Variants in PKD1 observed in about 807,000 individuals in gnomAD.
PKD1 encodes the protein polycystin 1, transient receptor potential channel interacting, also known as polycystin-1.
In PKD1, 81 loss-of-function variants were observed where a neutral mutation model predicts 361.7. The observed-to-expected ratio is 0.22, with a 90% confidence interval of 0.19 to 0.27. The LOEUF (loss-of-function observed/expected upper bound fraction) is 0.27. Ranked by LOEUF, PKD1 falls within the 10% of genes least tolerant of loss-of-function variation. PKD1 has a pLI of 1.00. For missense variants in PKD1, 6,399 were observed against 6,118.3 expected (o/e 1.05, Z -1.53); for synonymous variants, 3,615 against 2,818.3 (o/e 1.28, Z -8.95).
chr16:2,112,346 C>T lies in PKD1; in HGVS notation c.3289G>A (p.Ala1097Thr). 6.3e-7 allele frequency: 1 copy of T among 1,587,766 alleles called. No homozygotes were observed. Among genetic ancestry groups the T allele is most frequent in the Non-Finnish European group, 8.5e-7 (1 of 1,174,706 alleles). ...TCACCCCCTCATCCCTCACCTGGGG[C>T]AGCGTAGGTGTGCATGACATTGTGC... The part of the protein sequence containing the change: ...VEHNVMHTYA[A>T]PGEYLLTVLA... Residue 1097 changes from alanine to threonine, a missense_variant, in exon 14 of 46, where the codon GCC becomes ACC. Physicochemically the swap from Ala to Thr is moderately conservative, Grantham distance 58 (BLOSUM62 0). Transcript: ENST00000262304.
At chr16:2,130,586 G>A (rs1428710323) in intron 1 of PKD1, among the ~76,000 whole-genome samples, 3 of 152,228 alleles carry the variant, frequency 2.0e-5, no homozygotes, top group Non-Finnish European at 4.4e-5. Flanking sequence ...TCGCTCTCAG[G>A]ATCCAGGGAC....
intron 6 of PKD1, 116 bp downstream of exon 6, chr16:2,117,373 A>C (rs2092655685): frequency 1.3e-6 from 1 of 762,748 alleles, no homozygotes; most frequent in Admixed American, 2.8e-5. Context: ...CCACCTGCTC[A>C]CCAGGGCCGG....
chr16:2,109,641 G>A lies in PKD1; in HGVS notation c.5526C>T (p.Pro1842=), dbSNP rs139317950. 1.5e-4 allele frequency: 244 copies of A among 1,598,262 alleles called. No individual in the cohort carries two copies. The African/African-American group carries it at 1.7e-3, about 11-fold the overall frequency. The change falls in exon 15 of 46, where the codon CCC becomes CCT. Residue 1842 remains proline (P), a synonymous_variant. Transcript: ENST00000262304. ...GTNVSWCWAV[P]GGSSKRGPHV... ...GAGGGCCACGCTTGCTGCTGCCGCC[G>A]GGCACAGCCCAGCACCAGCTCACAT...
Position 2,093,035 on chromosome 16 carries a change from G to A in PKD1, c.11075C>T (p.Ala3692Val). The change falls in exon 38 of 46, where the codon GCC becomes GTC. Residue 3692 changes from alanine to valine, a missense_variant. Transcript: ENST00000262304. ...LVTLLASYGD[A>V]SCHGHAYRLQ... ...ACGGTAGGCGTGCCCATGGCATGAGGCATCCCCATAGCTGGCCAGCAGGGT... is the reference window on the plus strand; with the variant it reads ...ACGGTAGGCGTGCCCATGGCATGAGACATCCCCATAGCTGGCCAGCAGGGT... 1 of 1,612,900 alleles carries A rather than the reference G, an allele frequency of 6.2e-7. No homozygotes were observed. The highest frequency in any genetic ancestry group is 1.1e-5 in the South Asian group (1 of 91,088).
chr16:2,135,797 G>A lies in PKD1; in HGVS notation c.-108C>T, dbSNP rs982135305. The A allele has an allele frequency of 6.7e-4, 440 of 657,210 alleles. No homozygotes were observed. The African/African-American group carries it at 8.4e-3, about 12-fold the overall frequency. The allele number at this position is 657,210 out of a possible 1,614,324, so 40.7% of individuals were successfully genotyped here. ...GGCATGGCGGGCGCGGGGCTGGATG[G>A]GGCTGCGGCCGCGACCTGCTGCTGA... On this transcript the variant is annotated 5_prime_UTR_variant, in exon 1 of 46. Coordinates refer to ENST00000262304, the MANE Select transcript of PKD1 (RefSeq NM_001009944.3).
rs770980508 is a variant in PKD1 at position 2,100,149 on chromosome 16, A to G, written c.9712+17T>C. On this transcript the variant is annotated intron_variant, in intron 28 of 45. Transcript: ENST00000262304. The surrounding 1 kb of genome is among the most constrained non-coding windows in gnomAD (Gnocchi z 4.4). ...GCCCAACCTCCCACGGAGTGGGAAC[A>G]TGGAACGAGGCCTTACTCGCGGCCA... The G allele has an allele frequency of 6.9e-6, 11 of 1,603,568 alleles. No individual in the cohort carries two copies. Among genetic ancestry groups the G allele is most frequent in the South Asian group, 6.6e-5 (6 of 90,860 alleles).
At chr16:2,116,261 G>A (rs568357235) in intron 8 of PKD1, 143 bp from the exon 9 acceptor site, 11 of 876,034 alleles carry the variant, frequency 1.3e-5, no homozygotes, top group East Asian at 7.9e-5. Context: ...TGTCGCTCGA[G>A]AGGAAGACTC....
Position 2,108,292 on chromosome 16 carries a change from G to A in PKD1, c.6875C>T (p.Thr2292Met), listed in dbSNP as rs368575965. The change falls in exon 15 of 46, where the codon ACG becomes ATG. Residue 2292 changes from threonine (T) to methionine (M), a missense_variant. Coordinates refer to ENST00000262304, the MANE Select transcript of PKD1 (RefSeq NM_001009944.3). ...ACAGGCCCAGTGGAAACTGAGCGGC[G>A]TCTGGTCGCCGTCCTCCAGGTTGGG... ...YDPNLEDGDQTPLSFHWACVA... is the reference protein window; with the variant it reads ...YDPNLEDGDQMPLSFHWACVA... 3.9e-5 allele frequency: 63 copies of A among 1,601,764 alleles called. 1 individual carries two copies. Among genetic ancestry groups the A allele is most frequent in the South Asian group, 3.9e-4 (35 of 90,502 alleles).
rs759767453 is a variant in PKD1, at chr16:2,108,523, C to T, written c.6644G>A (p.Arg2215Gln). The change falls in exon 15 of 46, where the codon CGG (arginine) becomes CAG (glutamine). Residue 2215 changes from arginine to glutamine, a missense_variant. Arg to Gln is a conservative substitution (Grantham distance 43). Coordinates refer to ENST00000262304, the MANE Select transcript of PKD1 (RefSeq NM_001009944.3). ...ALPGVDVSRPRLVLPRLALPV... is the reference protein window; with the variant it reads ...ALPGVDVSRPQLVLPRLALPV... ...CAGCGCCAGCCGCGGCAGCACCAGCCGAGGCCGGCTCACGTCCACGCCGGG... is the reference window on the plus strand; with the variant it reads ...CAGCGCCAGCCGCGGCAGCACCAGCTGAGGCCGGCTCACGTCCACGCCGGG... The T allele has an allele frequency of 1.2e-5, 19 of 1,609,046 alleles. No individual in the cohort carries two copies. The highest frequency in any genetic ancestry group is 2.2e-4 in the Middle Eastern group (1 of 4,450).
intron 45 of PKD1, 31 bp downstream of exon 45, chr16:2,090,254 G>A (rs200531215): frequency 3.4e-5 from 54 of 1,608,730 alleles, no homozygotes; most frequent in Non-Finnish European, 4.2e-5. Flanking sequence ...CCCAGGGCGT[G>A]TCCCTCTCCC....
At position 2,109,117 on chromosome 16, in the gene PKD1, G is replaced by C; in HGVS notation, c.6050C>G (p.Ser2017Trp). 1 of 1,602,824 alleles carries C rather than the reference G, an allele frequency of 6.2e-7. No individual in the cohort carries two copies. Among genetic ancestry groups the C allele is most frequent in the Non-Finnish European group, 8.5e-7 (1 of 1,174,202 alleles). ...GTCGCGGCCCGACAGGATGACCAGCGAGTCGCCCTGGACCTTCTGCAGCGA... is the reference window on the plus strand; with the variant it reads ...GTCGCGGCCCGACAGGATGACCAGCCAGTCGCCCTGGACCTTCTGCAGCGA... ...YFSLQKVQGDSLVILSGRDVT... is the reference protein window; with the variant it reads ...YFSLQKVQGDWLVILSGRDVT... Residue 2017 changes from serine to tryptophan, a missense_variant, in exon 15 of 46, where the codon TCG becomes TGG. By Grantham distance (177) the Ser-to-Trp change is radical. Transcript: ENST00000262304.
At position 2,116,821 on chromosome 16, in the gene PKD1, C is replaced by T. The variant is rs1159998444; in HGVS notation, c.1606+12G>A. The stretch of plus-strand genomic sequence containing the variant: ...GCCAGCGTCTCAGGCCCCTGCCTGG[C>T]CCCCCGCACACCTCCGGGCTGCAGC... On this transcript the variant is annotated intron_variant, in intron 7 of 45. Coordinates refer to ENST00000262304, the MANE Select transcript of PKD1 (RefSeq NM_001009944.3). The T allele has an allele frequency of 4.7e-6, 7 of 1,488,544 alleles. No individual in the cohort carries two copies. The Admixed American group carries it at 5.9e-5, about 13-fold the overall frequency. 92.2% of individuals were successfully genotyped at this position (1,488,544 alleles called of 1,614,324 possible).
At chr16:2,126,356 G>C (rs141066706) in intron 1 of PKD1, among the ~76,000 whole-genome samples, 1 of 152,400 alleles carries the variant, frequency 6.6e-6, no homozygotes, top group Non-Finnish European at 1.5e-5. Flanking sequence ...CCTGTCTTCA[G>C]ATCATGGCGC....
chr16:2,111,541 A>G lies in PKD1; in HGVS notation c.3626T>C (p.Phe1209Ser). ...GAAAQADVRV[F>S]EELRGLSVDM... is the part of the protein sequence containing the mutation. ...CACGCTGAGTCCGCGGAGCTCCTCA[A>G]AGACGCGCACATCCGCCTGGGCCGC... The change falls in exon 15 of 46, where the codon TTT (phenylalanine) becomes TCT (serine). Residue 1209 changes from phenylalanine to serine, a missense_variant. Physicochemically the swap from Phe to Ser is radical, Grantham distance 155. Transcript: ENST00000262304. 6.2e-7 allele frequency: 1 copy of G among 1,600,918 alleles called. No homozygotes were observed. Among genetic ancestry groups the G allele is most frequent in the Non-Finnish European group, 8.5e-7 (1 of 1,174,782 alleles).
chr16:2,116,306 A>G, intron 8 of PKD1, 188 bp from the exon 9 acceptor site: 1 of 698,736 alleles, frequency 1.4e-6, no homozygotes, highest in Non-Finnish European at 2.5e-6. Context: ...AGGACCCCTG[A>G]CCTGCCTTTC....
intron 1 of PKD1, among the ~76,000 whole-genome samples, chr16:2,121,631 G>A (rs1240835741): frequency 1.3e-5 from 2 of 151,844 alleles, no homozygotes; most frequent in African/African-American, 4.8e-5. Flanking sequence ...TAGACAGAGA[G>A]CTGGGGCAAA....
rs1190970440 is a variant in PKD1 at position 2,117,590 on chromosome 16, G to A, written c.1284C>T (p.Ala428=). 15 of 1,609,418 alleles carry A rather than the reference G, an allele frequency of 9.3e-6. No homozygotes were observed. The highest frequency in any genetic ancestry group is 1.3e-5 in the African/African-American group (1 of 74,842). ...GACACTGCTCCTGCGCCTGCAGCCA[G>A]GCCGCCTTCTCCACCACCAGGCGGT... ...HCYRLVVEKA[A]WLQAQEQCQA... Residue 428 remains alanine (A), a synonymous_variant, in exon 6 of 46, where the codon GCC becomes GCT. Coordinates refer to ENST00000262304, the MANE Select transcript of PKD1 (RefSeq NM_001009944.3).
Position 2,102,447 on chromosome 16 carries a change from G to A in PKD1, c.9135C>T (p.Thr3045=). The A allele has an allele frequency of 1.9e-6, 3 of 1,552,406 alleles. No homozygotes were observed. Among genetic ancestry groups the A allele is most frequent in the Non-Finnish European group, 2.6e-6 (3 of 1,149,590 alleles). The part of the protein sequence containing the change: ...ETSPRQAVCL[T]RHLTAFGASL... ...TGGCGCCGAAGGCGGTGAGGTGGCG[G>A]GTGAGGCAGACGGCCTGGCGGGGCG... is the stretch of plus-strand genomic sequence containing the variant. The change falls in exon 25 of 46, where the codon ACC becomes ACT. Residue 3045 remains threonine, a synonymous_variant. Transcript: ENST00000262304.
Position 2,100,489 on chromosome 16 carries a change from C to T in PKD1, c.9475G>A (p.Ala3159Thr), listed in dbSNP as rs909687167. Residue 3159 changes from alanine to threonine, a missense_variant, in exon 27 of 46, where the codon GCC becomes ACC. Physicochemically the swap from Ala to Thr is moderately conservative, Grantham distance 58 (BLOSUM62 0). Coordinates refer to ENST00000262304, the MANE Select transcript of PKD1 (RefSeq NM_001009944.3). The surrounding 1 kb of genome is among the most constrained non-coding windows in gnomAD (Gnocchi z 4.4). ...ATGTCCAGGCTGTTGCGGTGGAAGGCTCTGTCGCCGTCCAGGTGCCGGTGG... is the reference window on the plus strand; with the variant it reads ...ATGTCCAGGCTGTTGCGGTGGAAGGTTCTGTCGCCGTCCAGGTGCCGGTGG... Reference protein sequence around the residue: ...SGHRHLDGDRAFHRNSLDIFR... With the variant: ...SGHRHLDGDRTFHRNSLDIFR... 11 of 1,610,562 alleles carry T rather than the reference C, an allele frequency of 6.8e-6. No homozygotes were observed. The highest frequency in any genetic ancestry group is 9.3e-6 in the Non-Finnish European group (11 of 1,179,604).
Sources: gnomAD v4.1 joint callset for allele counts (sites outside exome capture counted in the v4.1 genomes callset) on GRCh38, gnomAD v4.1.1 for gene constraint, Gnocchi (gnomAD v3.1) non-coding constraint, MANE v1.5 for transcripts, NCBI Gene and HGNC (gene_info 2026-07-23, HGNC 2026-07-21) for gene names.